CFAP61: variants seen among roughly 807,000 people sequenced by gnomAD.
CFAP61 encodes the protein cilia and flagella associated protein 61, also known as cilia- and flagella-associated protein 61.
Under a neutral mutation model 135.6 loss-of-function variants are expected in CFAP61, and 107 were observed. The observed-to-expected ratio is 0.79, with a 90% CI of 0.67 to 0.93. The LOEUF is 0.93. CFAP61 is among the 40% of genes least tolerant of loss of function. The pLI is 0.00. For synonymous variants in CFAP61, 575 were observed against 578.5 expected (o/e 0.99, Z 0.09); for missense variants, 1,507 against 1,556.2 (o/e 0.97, Z 0.53).
intron 21 of CFAP61, among the ~76,000 whole-genome samples, chr20:20,271,488 C>T (rs917256497): frequency 3.3e-5 from 5 of 152,192 alleles, no homozygotes; most frequent in African/African-American, 1.2e-4. Flanking sequence ...AGGAAGCACC[C>T]TTGCACATTC....
At chr20:20,304,988 G>T (rs1315013267) in intron 25 of CFAP61, among the ~76,000 whole-genome samples, 1 of 152,114 alleles carries the variant, frequency 6.6e-6, no homozygotes, top group East Asian at 1.9e-4. Context: ...GGTGTAAATA[G>T]GTCTTGCCCT....
At chr20:20,343,253 C>T (rs1391458001) in intron 26 of CFAP61, among the ~76,000 whole-genome samples, 6 of 152,350 alleles carry the variant, frequency 3.9e-5, no homozygotes, top group African/African-American at 1.2e-4. Flanking sequence ...CTGAACCATA[C>T]AGGGCCGAAG....
intron 8 of CFAP61, among the ~76,000 whole-genome samples, chr20:20,120,169 C>A (rs2049499957): frequency 2.0e-5 from 3 of 152,064 alleles, no homozygotes; most frequent in Admixed American, 6.6e-5. Context: ...TCATTTCTTC[C>A]ACTAATTTTG....
chr20:20,358,021 G>C (rs1211760045), intron 26 of CFAP61, among the ~76,000 whole-genome samples: 3 of 146,154 alleles, frequency 2.1e-5, no homozygotes, highest in African/African-American at 7.7e-5. Context: ...AGTGTGAGGG[G>C]AGGTGGTCAC....
chr20:20,235,580 T>C (rs2049526085), intron 18 of CFAP61, among the ~76,000 whole-genome samples: 1 of 152,130 alleles, frequency 6.6e-6, no homozygotes, highest in South Asian at 2.1e-4. Context: ...AAAGGCATCA[T>C]ACACCCTCAG....
At chr20:20,127,952 A>C (rs779811326) in intron 8 of CFAP61, among the ~76,000 whole-genome samples, 9 of 151,502 alleles carry the variant, frequency 5.9e-5, no homozygotes, top group Non-Finnish European at 1.2e-4. Context: ...TGAGTCATGC[A>C]GGTTGTCAGG....
chr20:20,246,242 C>T (rs2050445017), intron 19 of CFAP61, 27 bp downstream of exon 19: 9 of 1,380,006 alleles, frequency 6.5e-6, no homozygotes, highest in Non-Finnish European at 9.3e-6. Flanking sequence ...CTTTTTCATT[C>T]TGAGGCCTAA....
At chr20:20,223,743 G>C (rs2048550080) in intron 17 of CFAP61, among the ~76,000 whole-genome samples, 2 of 152,092 alleles carry the variant, frequency 1.3e-5, no homozygotes, top group African/African-American at 4.8e-5. Flanking sequence ...TATACACACA[G>C]AACAGTTAAC....
intron 17 of CFAP61, among the ~76,000 whole-genome samples, chr20:20,227,321 ATCTT>A (rs1205180724): frequency 6.6e-6 from 1 of 152,244 alleles, no homozygotes; most frequent in Non-Finnish European, 1.5e-5. Context: ...TGATAAGAAT[ATCTT>A]TCCACTGACT....
chr20:20,135,969 ACT>A (rs1206539938), intron 8 of CFAP61, among the ~76,000 whole-genome samples: 1 of 115,322 alleles, frequency 8.7e-6, no homozygotes, highest in Non-Finnish European at 1.8e-5. Flanking sequence ...AGTCTTTATT[ACT>A]CTTTCATGTT....
At chr20:20,279,177 C>T (rs982145039) in intron 22 of CFAP61, among the ~76,000 whole-genome samples, 1 of 152,102 alleles carries the variant, frequency 6.6e-6, no homozygotes, top group African/African-American at 2.4e-5. Context: ...CTTCACTTTC[C>T]TATTCAGATT....
rs1483242048 is a variant in CFAP61 at position 20,288,773 on chromosome 20, C to T, written c.2961C>T (p.Tyr987=). The stretch of plus-strand genomic sequence containing the variant: ...CCCTCACCAAATTCTCCAATAGATA[C>T]TACTCAAATGAGTGGACTCACAGCA... ...AGSLTKFSNR[Y]YSNEWTHSNF... The change falls in exon 23 of 27, where the codon TAC becomes TAT. Residue 987 remains tyrosine (Y), a synonymous_variant. Transcript: ENST00000245957. 1 of 1,614,200 alleles carries T rather than the reference C, an allele frequency of 6.2e-7. No homozygotes were observed. Among genetic ancestry groups the T allele is most frequent in the Admixed American group, 1.7e-5 (1 of 60,024 alleles).
At chr20:20,272,719 C>T (rs2147033382) in intron 21 of CFAP61, among the ~76,000 whole-genome samples, 1 of 152,308 alleles carries the variant, frequency 6.6e-6, no homozygotes, top group South Asian at 2.1e-4. Context: ...TTTCTTCCTT[C>T]CAGCTCTTAC....
At chr20:20,355,057 G>C (rs74636877) in intron 26 of CFAP61, among the ~76,000 whole-genome samples, 7 of 144,252 alleles carry the variant, frequency 4.9e-5, no homozygotes, top group South Asian at 2.3e-4. Context: ...GTCACACTGT[G>C]AGAGGGAAGG....
intron 9 of CFAP61, among the ~76,000 whole-genome samples, chr20:20,149,177 A>G (rs1264667361): frequency 6.6e-6 from 1 of 152,230 alleles, no homozygotes; most frequent in Non-Finnish European, 1.5e-5. Context: ...GATAGACCAT[A>G]TTATGGGCTA....
intron 8 of CFAP61, among the ~76,000 whole-genome samples, chr20:20,126,721 C>T (rs879726360): frequency 1.3e-5 from 2 of 151,790 alleles, no homozygotes; most frequent in African/African-American, 2.4e-5. Context: ...TGTTGAATTT[C>T]TCAGGTGTTC....
At chr20:20,330,905 G>A (rs1346748596) in intron 25 of CFAP61, among the ~76,000 whole-genome samples, 1 of 152,200 alleles carries the variant, frequency 6.6e-6, no homozygotes, top group Non-Finnish European at 1.5e-5. Flanking sequence ...TTTGTTAACT[G>A]TGATCACTTG....
At chr20:20,151,829 C>CAAAAAAA (rs386393498) in intron 9 of CFAP61, among the ~76,000 whole-genome samples, 8,578 of 53,060 alleles carry the variant, frequency 0.16, 1,450 homozygotes, top group Non-Finnish European at 0.2. Context: ...GACTCCGTCT[C>CAAAAAAA]AAAAAAAAAA....
chr20:20,074,447 A>T (rs564481545), intron 4 of CFAP61, 69 bp downstream of exon 4: 7 of 1,350,918 alleles, frequency 5.2e-6, no homozygotes, highest in Admixed American at 3.4e-5. Flanking sequence ...AATATTTTTT[A>T]AAAGACATGA....
Sources: allele counts gnomAD v4.1 joint callset (sites outside exome capture counted in the v4.1 genomes callset), GRCh38; gene constraint gnomAD v4.1.1; transcripts MANE v1.5; gene names NCBI Gene and HGNC (gene_info 2026-07-23, HGNC 2026-07-21).